SBF2: variants seen among roughly 807,000 people sequenced by gnomAD.
SBF2 encodes the protein myotubularin-related protein 13.
In SBF2, 112 loss-of-function variants were observed where a neutral mutation model predicts 225.2. The observed-to-expected ratio is 0.50, with a 90% CI of 0.43 to 0.58. The LOEUF (loss-of-function observed/expected upper bound fraction) is 0.58, where lower values mean the gene tolerates loss of function less well. SBF2 is among the 20% of genes least tolerant of loss of function. The probability of loss-of-function intolerance (pLI) is 0.00; values close to 1 mark genes in which losing one functional copy is unlikely to be tolerated. For synonymous variants in SBF2, 763 were observed against 773.3 expected, an observed-to-expected ratio of 0.99 and a Z score of 0.22; for missense variants, 1,996 against 2,206.2, an observed-to-expected ratio of 0.90 and a Z score of 1.91.
intron 32 of SBF2, among the ~76,000 whole-genome samples, chr11:9,805,844 G>A (rs1300994895): frequency 3.3e-5 from 5 of 152,200 alleles, no homozygotes; most frequent in African/African-American, 1.2e-4. Flanking sequence ...GGATGGTTTT[G>A]ATCTCTTACC....
chr11:9,977,625 T>G (rs1343911400), intron 13 of SBF2, among the ~76,000 whole-genome samples: 1 of 152,216 alleles, frequency 6.6e-6, no homozygotes, highest in African/African-American at 2.4e-5. Flanking sequence ...GGAAAGAAGC[T>G]GCATAGAGGT....
At chr11:9,806,979 T>C (rs1246456238) in intron 32 of SBF2, among the ~76,000 whole-genome samples, 2 of 152,178 alleles carry the variant, frequency 1.3e-5, no homozygotes, top group Non-Finnish European at 2.9e-5. Flanking sequence ...AAAAACAAAA[T>C]AAAACATAAC....
rs1313630669 is a variant in SBF2, at chr11:9,853,407, CATTTTAA to C, written c.2536+126_2536+132del. ...TATGTATTTTACAACAATTTAAAAA[CATTTTAA>C]AAACTAATCAGAAAATAAATAAATA... On this transcript the variant is annotated intron_variant, in intron 20 of 39. Transcript: ENST00000256190. The C allele has an allele frequency of 1.5e-5, 12 of 800,496 alleles. No homozygotes were observed. In the East Asian group the frequency reaches 3.2e-4, roughly 21 times the overall value. The allele number at this position is 800,496 out of a possible 1,614,324, so 49.6% of individuals were successfully genotyped here. A position where few individuals can be genotyped will look rare whatever the true frequency, so the allele number is the denominator to read the frequency against.
chr11:10,193,326 A>G (rs1957246068), intron 2 of SBF2, among the ~76,000 whole-genome samples: 1 of 147,914 alleles, frequency 6.8e-6, no homozygotes, highest in African/African-American at 2.5e-5. Flanking sequence ...TCTGCTTTTG[A>G]GTATATGAAA....
chr11:9,875,253 G>C (rs904722144), intron 17 of SBF2, among the ~76,000 whole-genome samples: 17 of 152,188 alleles, frequency 1.1e-4, no homozygotes, highest in African/African-American at 4.1e-4. Flanking sequence ...AACCAAGACA[G>C]ATCCAGTGCT....
chr11:9,980,499 T>C, intron 13 of SBF2, among the ~76,000 whole-genome samples: 1 of 152,146 alleles, frequency 6.6e-6, no homozygotes, highest in South Asian at 2.1e-4. Flanking sequence ...GTGTTAGTAA[T>C]ATTACTGCTC....
intron 1 of SBF2, among the ~76,000 whole-genome samples, chr11:10,272,528 G>A (rs1226665505): frequency 2.0e-5 from 3 of 152,168 alleles, no homozygotes; most frequent in East Asian, 1.9e-4. Context: ...ACTGGCTTAC[G>A]CCTGTAATCC....
intron 2 of SBF2, among the ~76,000 whole-genome samples, chr11:10,174,546 G>A (rs983823932): frequency 1.3e-5 from 2 of 152,210 alleles, no homozygotes; most frequent in African/African-American, 4.8e-5. Flanking sequence ...TGGTGTACCT[G>A]AAAGTGATGG....
chr11:10,139,329 T>C (rs1040344953), intron 2 of SBF2, among the ~76,000 whole-genome samples: 4 of 152,186 alleles, frequency 2.6e-5, no homozygotes, highest in African/African-American at 9.7e-5. Context: ...AGCAGTTTTT[T>C]CCTTGTGTTA....
intron 1 of SBF2, among the ~76,000 whole-genome samples, chr11:10,288,606 G>T (rs777544220): frequency 8.6e-5 from 13 of 152,010 alleles, no homozygotes; most frequent in Non-Finnish European, 1.9e-4. Flanking sequence ...ACTAGAATGG[G>T]TGGCTCCTCT....
Position 9,842,711 on chromosome 11 carries a change from C to T in SBF2, c.3170G>A (p.Arg1057Gln), listed in dbSNP as rs138612196. Residue 1057 changes from arginine (R) to glutamine (Q), a missense_variant, in exon 25 of 40, where the codon CGG becomes CAG. By Grantham distance (43) the Arg-to-Gln change is conservative. Coordinates refer to ENST00000256190, the MANE Select transcript of SBF2 (RefSeq NM_030962.4). ...AKRAGKMTIG[R>Q]QYLLKKKTGT... is the part of the protein sequence containing the mutation. ...TGTCTTCTTCTTCAGTAAATATTGC[C>T]GCCCAATTGTCATTTTCCCTGCCCT... The T allele has an allele frequency of 1.8e-5, 29 of 1,614,042 alleles. No individual in the cohort carries two copies. Among genetic ancestry groups the T allele is most frequent in the Admixed American group, 1.2e-4 (7 of 60,024 alleles).
chr11:9,849,714 G>C (rs191932971), intron 22 of SBF2, among the ~76,000 whole-genome samples: 1 of 152,264 alleles, frequency 6.6e-6, no homozygotes, highest in Admixed American at 6.5e-5. Context: ...AAACCAGCAA[G>C]GGATATATTC....
At chr11:9,790,775 A>G in intron 33 of SBF2, 92 bp from the exon 34 acceptor site, 2 of 979,316 alleles carry the variant, frequency 2.0e-6, no homozygotes. Context: ...AAAAAGTGGA[A>G]TATTTTTTAT....
intron 17 of SBF2, among the ~76,000 whole-genome samples, chr11:9,885,176 G>A (rs1333891384): frequency 4.7e-5 from 7 of 149,430 alleles, no homozygotes; most frequent in Non-Finnish European, 1.0e-4. Flanking sequence ...ACTTGAACCC[G>A]GGAGGCGGAG....
At chr11:10,085,143 T>C (rs530335116) in intron 2 of SBF2, among the ~76,000 whole-genome samples, 1 of 152,240 alleles carries the variant, frequency 6.6e-6, no homozygotes, top group Non-Finnish European at 1.5e-5. Flanking sequence ...ATTCCCAGAT[T>C]AAGAAACAAT....
intron 28 of SBF2, among the ~76,000 whole-genome samples, chr11:9,829,024 C>G (rs1040111206): frequency 6.6e-5 from 10 of 152,116 alleles, no homozygotes; most frequent in Admixed American, 2.0e-4. Context: ...CCTGTAATCT[C>G]AGTACTTTGG....
chr11:9,952,234 A>T (rs1018948079), intron 16 of SBF2, among the ~76,000 whole-genome samples: 2 of 119,864 alleles, frequency 1.7e-5, no homozygotes, highest in African/African-American at 6.5e-5. Context: ...CCTCTCTCTC[A>T]TAAAAATAAA....
At chr11:10,025,105 C>T (rs1407670142) in intron 6 of SBF2, among the ~76,000 whole-genome samples, 2 of 152,042 alleles carry the variant, frequency 1.3e-5, no homozygotes. Flanking sequence ...TTGGTCCTCA[C>T]GTTTCTGGTT....
intron 13 of SBF2, among the ~76,000 whole-genome samples, chr11:9,981,868 C>T (rs971862217): frequency 1.2e-4 from 19 of 152,166 alleles, no homozygotes; most frequent in Middle Eastern, 3.4e-3. Context: ...AGGACCTAAT[C>T]GTAATGAAAA....
Sources: allele counts gnomAD v4.1 joint callset (sites outside exome capture counted in the v4.1 genomes callset), GRCh38; gene constraint gnomAD v4.1.1; transcripts MANE v1.5; gene names NCBI Gene and HGNC (gene_info 2026-07-23, HGNC 2026-07-21).